EPB41L3: variants seen among roughly 807,000 people sequenced by gnomAD.
EPB41L3 encodes the protein erythrocyte membrane protein band 4.1 like 3, also known as band 4.1-like protein 3.
In EPB41L3, 57 loss-of-function variants were observed where a neutral mutation model predicts 127.1. That is an observed-to-expected ratio of 0.45 (90% confidence interval 0.36 to 0.56). The LOEUF is 0.56. EPB41L3 is among the 20% of genes least tolerant of loss of function. The probability of loss-of-function intolerance (pLI) is 0.00; values close to 1 mark genes in which losing one functional copy is unlikely to be tolerated. For synonymous variants in EPB41L3, 572 were observed against 549.5 expected (o/e 1.04, Z -0.57); for missense variants, 1,273 against 1,372.2 (o/e 0.93, Z 1.14).
At chr18:5,415,764 C>G (rs539927952) in intron 13 of EPB41L3, 54 bp downstream of exon 13, 4 of 1,537,250 alleles carry the variant, frequency 2.6e-6, no homozygotes, top group Non-Finnish European at 3.5e-6. Flanking sequence ...AACACTGTTT[C>G]GGACTCAAGC....
At chr18:5,475,347 T>C (rs1277668222) in intron 3 of EPB41L3, among the ~76,000 whole-genome samples, 1 of 151,980 alleles carries the variant, frequency 6.6e-6, no homozygotes, top group African/African-American at 2.4e-5. Flanking sequence ...GAAACCTAGG[T>C]TCAGAAACTT....
At chr18:5,502,376 G>A (rs954233960) in intron 1 of EPB41L3, among the ~76,000 whole-genome samples, 10 of 151,366 alleles carry the variant, frequency 6.6e-5, no homozygotes, top group Non-Finnish European at 1.2e-4. Flanking sequence ...TTGTGTCTAG[G>A]TATTTTTCTA....
intron 3 of EPB41L3, among the ~76,000 whole-genome samples, chr18:5,468,946 CAAACAAACAAA>C (rs1463292660): frequency 1.2e-4 from 16 of 137,810 alleles, no homozygotes; most frequent in African/African-American, 3.1e-4. Flanking sequence ...AACAAACAAA[CAAACAAACAAA>C]AAACAAAAAA....
At chr18:5,470,369 C>A (rs1391737253) in intron 3 of EPB41L3, among the ~76,000 whole-genome samples, 2 of 152,128 alleles carry the variant, frequency 1.3e-5, no homozygotes, top group Non-Finnish European at 2.9e-5. Context: ...ACATTAAAGT[C>A]CCTGCAAAAT....
intron 1 of EPB41L3, among the ~76,000 whole-genome samples, chr18:5,616,831 T>A (rs532325978): frequency 1.3e-5 from 2 of 152,334 alleles, no homozygotes; most frequent in African/African-American, 4.8e-5. Flanking sequence ...TTCATTTTTG[T>A]GGTTGTATGG....
At chr18:5,443,967 A>G in intron 4 of EPB41L3, 87 bp from the exon 5 acceptor site, 1 of 1,135,202 alleles carries the variant, frequency 8.8e-7, no homozygotes, top group South Asian at 1.5e-5. Flanking sequence ...CCCTAAATGC[A>G]GTGCGGAGTT....
chr18:5,543,010 C>T lies in EPB41L3; in HGVS notation c.-12+903G>A, dbSNP rs2149078786. On this transcript the variant is annotated intron_variant, in intron 1 of 22. Coordinates refer to ENST00000341928, the MANE Select transcript of EPB41L3 (RefSeq NM_012307.5). The surrounding 1 kb of genome is among the most constrained non-coding windows in gnomAD (Gnocchi z 5.2). ...CCTCCCCACCCCCACCGCGGCAGAG[C>T]CGCCTTCGCAGACACCTCCCGAGGA... is the stretch of plus-strand genomic sequence containing the variant. Among the ~76,000 whole-genome samples the T allele has an allele frequency of 6.6e-6, 1 of 152,276 alleles. No individual in the cohort carries two copies. The highest frequency in any genetic ancestry group is 3.4e-3 in the Middle Eastern group (1 of 294).
upstream of EPB41L3, chr18:5,630,300 G>C: frequency 2.0e-6 from 1 of 504,074 alleles, no homozygotes; most frequent in Non-Finnish European, 3.9e-6. Flanking sequence ...CAGGCGGCCC[G>C]CACCCGCGCC....
At position 5,499,922 on chromosome 18, in the gene EPB41L3, G is replaced by C. The variant is rs866660111; in HGVS notation, c.-11-10728C>G. On this transcript the variant is annotated intron_variant, in intron 1 of 22. Transcript: ENST00000341928. ...TGAATCTTTAAGATCCTGTCATTCTGTCACAGGTTGACATTTATTCCTGGG... is the reference window on the plus strand; with the variant it reads ...TGAATCTTTAAGATCCTGTCATTCTCTCACAGGTTGACATTTATTCCTGGG... Among the ~76,000 whole-genome samples, 12 of 151,282 alleles carry C rather than the reference G, an allele frequency of 7.9e-5. No individual in the cohort carries two copies. The South Asian group carries it at 2.3e-3, about 29-fold the overall frequency.
At chr18:5,553,089 G>A (rs2093987261) in intron 3 of EPB41L3, among the ~76,000 whole-genome samples, 1 of 152,160 alleles carries the variant, frequency 6.6e-6, no homozygotes, top group Non-Finnish European at 1.5e-5. Flanking sequence ...TACTACTATG[G>A]ACACATTAAA....
At chr18:5,606,397 G>A (rs2094652299) in intron 3 of EPB41L3, among the ~76,000 whole-genome samples, 1 of 151,634 alleles carries the variant, frequency 6.6e-6, no homozygotes, top group Non-Finnish European at 1.5e-5. Flanking sequence ...ATTCTATTTT[G>A]AAAAAAAGAA....
intron 3 of EPB41L3, among the ~76,000 whole-genome samples, chr18:5,565,461 T>A (rs2094185986): frequency 6.6e-6 from 1 of 151,798 alleles, no homozygotes; most frequent in Non-Finnish European, 1.5e-5. Context: ...TTCTTTTTTT[T>A]TTTTTAATTA....
rs565764124 is a variant in EPB41L3, at chr18:5,457,361, G to A, written c.382-12117C>T. Among the ~76,000 whole-genome samples, 8 of 151,920 alleles carry A rather than the reference G, an allele frequency of 5.3e-5. No individual in the cohort carries two copies. The East Asian group carries it at 7.8e-4, about 15-fold the overall frequency. On this transcript the variant is annotated intron_variant, in intron 3 of 22. Transcript: ENST00000341928. ...AGTAAGGTTCAGGACTGAGGGGCTC[G>A]GGAAGCTCTGCTCCCCTGCTTTTTT... is the stretch of plus-strand genomic sequence containing the variant.
intron 14 of EPB41L3, among the ~76,000 whole-genome samples, chr18:5,408,215 TAC>T (rs1401575685): frequency 6.6e-6 from 1 of 152,160 alleles, no homozygotes; most frequent in Non-Finnish European, 1.5e-5. Flanking sequence ...TGAAGAATTT[TAC>T]ACAGAGGTTC....
chr18:5,591,420 G>A (rs1481157511), intron 3 of EPB41L3, among the ~76,000 whole-genome samples: 1 of 152,170 alleles, frequency 6.6e-6, no homozygotes, highest in Non-Finnish European at 1.5e-5. Flanking sequence ...CACATACAGT[G>A]CAAGGGGTGA....
intron 3 of EPB41L3, among the ~76,000 whole-genome samples, chr18:5,569,517 G>C (rs919330816): frequency 6.6e-6 from 1 of 152,178 alleles, no homozygotes; most frequent in African/African-American, 2.4e-5. Flanking sequence ...GGGATGAGAG[G>C]AAGGATGAGA....
intron 3 of EPB41L3, among the ~76,000 whole-genome samples, chr18:5,572,238 C>A (rs777652839): frequency 7.9e-5 from 12 of 152,182 alleles, no homozygotes; most frequent in African/African-American, 2.9e-4. Context: ...CATATCTTCA[C>A]GTTCATGTTT....
chr18:5,561,067 TC>T (rs1383272576), intron 3 of EPB41L3, among the ~76,000 whole-genome samples: 1 of 147,326 alleles, frequency 6.8e-6, no homozygotes, highest in Non-Finnish European at 1.5e-5. Context: ...AAGCTCCGCC[TC>T]CCAGGTTCAC....
chr18:5,402,620 C>T (rs2074688190), intron 16 of EPB41L3, among the ~76,000 whole-genome samples: 1 of 152,076 alleles, frequency 6.6e-6, no homozygotes, highest in African/African-American at 2.4e-5. Flanking sequence ...TATGGTCAAC[C>T]TCCCAATACA....
Sources: gnomAD v4.1 joint callset for allele counts (sites outside exome capture counted in the v4.1 genomes callset) on GRCh38, gnomAD v4.1.1 for gene constraint, Gnocchi (gnomAD v3.1) non-coding constraint, MANE v1.5 for transcripts, NCBI Gene and HGNC (gene_info 2026-07-23, HGNC 2026-07-21) for gene names.